The following PALLD variants were observed in gnomAD, a reference collection of about 807,000 sequenced individuals.
The protein encoded by PALLD is palladin, cytoskeletal associated protein, also known as palladin.
PALLD carries 61 observed loss-of-function variants against 123.5 expected under a neutral mutation model. The observed-to-expected ratio is 0.49, with a 90% CI of 0.40 to 0.61. The LOEUF (loss-of-function observed/expected upper bound fraction) is 0.61, where lower values mean the gene tolerates loss of function less well. PALLD is among the 20% of genes least tolerant of loss of function. The pLI is 0.00. For missense variants in PALLD, 1,273 were observed against 1,377.0 expected (o/e 0.92, Z 1.20); for synonymous variants, 465 against 496.4 (o/e 0.94, Z 0.84).
intron 2 of PALLD, among the ~76,000 whole-genome samples, chr4:168,629,041 A>T (rs1289532076): frequency 1.4e-5 from 2 of 141,374 alleles, no homozygotes; most frequent in Non-Finnish European, 3.1e-5. Context: ...TTTGAGATGG[A>T]GTTTCACTCT....
At chr4:168,745,571 T>C (rs765342524) in intron 10 of PALLD, among the ~76,000 whole-genome samples, 5 of 152,204 alleles carry the variant, frequency 3.3e-5, no homozygotes, top group Non-Finnish European at 7.3e-5. Context: ...AAATTTATTT[T>C]GGATTTTGTT....
chr4:168,730,655 G>GC (rs1787076814), intron 10 of PALLD, among the ~76,000 whole-genome samples: 1 of 152,076 alleles, frequency 6.6e-6, no homozygotes, highest in South Asian at 2.1e-4. Context: ...ACCCCCAAGT[G>GC]CCAATATCTT....
intron 10 of PALLD, among the ~76,000 whole-genome samples, chr4:168,723,615 A>G (rs987196193): frequency 6.6e-6 from 1 of 152,234 alleles, no homozygotes; most frequent in African/African-American, 2.4e-5. Context: ...TCTGGATGCT[A>G]GAGCAGATAC....
At chr4:168,681,549 T>TC in intron 4 of PALLD, 151 bp downstream of exon 4, 1 of 565,624 alleles carries the variant, frequency 1.8e-6, no homozygotes, top group Non-Finnish European at 3.2e-6. Context: ...AATTTTTTTT[T>TC]TTTTTTTTTT....
At chr4:168,720,971 C>T (rs1180856069) in intron 10 of PALLD, among the ~76,000 whole-genome samples, 1 of 152,068 alleles carries the variant, frequency 6.6e-6, no homozygotes, top group Non-Finnish European at 1.5e-5. Context: ...CTTTGCTGTG[C>T]CAGTCTCTTG....
chr4:168,673,898 GTGTGTGTGTGTGTGTGTGTC>G (rs1293106108), intron 3 of PALLD, among the ~76,000 whole-genome samples: 2 of 151,742 alleles, frequency 1.3e-5, no homozygotes, highest in Non-Finnish European at 2.9e-5. Context: ...CTGTGTGTGT[GTGTGTGTGTGTGTGTGTGTC>G]TGTGTGTGTA....
intron 1 of PALLD, among the ~76,000 whole-genome samples, chr4:168,509,545 C>A (rs1220011062): frequency 1.3e-5 from 2 of 152,090 alleles, no homozygotes; most frequent in African/African-American, 4.8e-5. Context: ...TAACTGGAGA[C>A]CAGTCAGGAT....
At chr4:168,568,297 T>C (rs1433950860) in intron 2 of PALLD, among the ~76,000 whole-genome samples, 2 of 152,226 alleles carry the variant, frequency 1.3e-5, no homozygotes, top group Admixed American at 6.5e-5. Flanking sequence ...CTGAAAAGCA[T>C]CCTACTTGTT....
At chr4:168,747,013 G>A (rs1048851434) in intron 10 of PALLD, among the ~76,000 whole-genome samples, 1 of 152,184 alleles carries the variant, frequency 6.6e-6, no homozygotes, top group Non-Finnish European at 1.5e-5. Context: ...AGCTAAAATA[G>A]TCCATCTGAT....
intron 10 of PALLD, among the ~76,000 whole-genome samples, chr4:168,735,025 T>C (rs1787592479): frequency 6.6e-6 from 1 of 152,214 alleles, no homozygotes; most frequent in Admixed American, 6.5e-5. Context: ...TACTTTTCTA[T>C]GTAATAACTG....
chr4:168,905,138 GTT>G lies in PALLD; in HGVS notation c.2622+1261_2622+1262del, dbSNP rs777740588. On this transcript the variant is annotated intron_variant, in intron 15 of 21. Transcript: ENST00000505667. ...TGAGACTTTGTTTTTTGTTTTGTTGGTTTTTTTTTTTTTTTTTTTTTTTTTTT... is the reference window on the plus strand; with the variant it reads ...TGAGACTTTGTTTTTTGTTTTGTTGGTTTTTTTTTTTTTTTTTTTTTTTTT... Among the ~76,000 whole-genome samples, 3 of 34,524 alleles carry G rather than the reference GTT, an allele frequency of 8.7e-5. 1 individual carries two copies. The highest frequency in any genetic ancestry group is 1.5e-4 in the African/African-American group (2 of 13,000). 22.6% of individuals were successfully genotyped at this position (34,524 alleles called of 152,430 possible).
intron 2 of PALLD, among the ~76,000 whole-genome samples, chr4:168,520,596 G>A (rs1196534625): frequency 6.6e-6 from 1 of 152,128 alleles, no homozygotes; most frequent in Non-Finnish European, 1.5e-5. Flanking sequence ...CATCATTAAT[G>A]AGAATATTGA....
chr4:168,862,057 CAT>C (rs1749566912), intron 10 of PALLD, among the ~76,000 whole-genome samples: 1 of 150,906 alleles, frequency 6.6e-6, no homozygotes, highest in African/African-American at 2.4e-5. Flanking sequence ...TGTATTTAAT[CAT>C]GTGTATTCTT....
At chr4:168,590,619 T>C (rs1162060278) in intron 2 of PALLD, among the ~76,000 whole-genome samples, 4 of 152,194 alleles carry the variant, frequency 2.6e-5, no homozygotes, top group African/African-American at 7.2e-5. Flanking sequence ...GAATTTTGTT[T>C]TTCCAGTTGG....
In PALLD at chr4:168,676,934, T is replaced by A. The variant is rs562567330; in HGVS notation, c.1088-4398T>A. 5.3e-5 allele frequency among the ~76,000 whole-genome samples: 8 copies of A among 152,178 alleles called. No individual in the cohort carries two copies. The South Asian group carries it at 1.7e-3, about 32-fold the overall frequency. ...TTTTAAAGTCAAGGCAGGAGACTCA[T>A]TTTTGTGACATTTCCACTGGCCAAA... is the stretch of plus-strand genomic sequence containing the variant. On this transcript the variant is annotated intron_variant, in intron 3 of 21. Transcript: ENST00000505667.
intron 2 of PALLD, among the ~76,000 whole-genome samples, chr4:168,636,598 A>C (rs1279921267): frequency 1.3e-5 from 2 of 152,232 alleles, no homozygotes; most frequent in African/African-American, 4.8e-5. Context: ...CCTCATTTGC[A>C]AAAATGAGAC....
chr4:168,579,015 A>G (rs17054359), intron 2 of PALLD, among the ~76,000 whole-genome samples: 15,283 of 152,158 alleles, frequency 0.1, 935 homozygotes, highest in South Asian at 0.18. Flanking sequence ...AAGTAGGGAA[A>G]GAGTTTTCAC....
At chr4:168,575,575 T>C (rs922561674) in intron 2 of PALLD, among the ~76,000 whole-genome samples, 3 of 151,970 alleles carry the variant, frequency 2.0e-5, no homozygotes, top group Non-Finnish European at 4.4e-5. Context: ...AGATTTTTTA[T>C]TGGTGAGGTC....
intron 3 of PALLD, among the ~76,000 whole-genome samples, chr4:168,673,989 A>C (rs762248078): frequency 2.6e-4 from 40 of 151,950 alleles, no homozygotes; most frequent in Non-Finnish European, 5.1e-4. Context: ...ATCTCGGCTC[A>C]CTGCAACCTC....
Sources: allele counts gnomAD v4.1 joint callset (sites outside exome capture counted in the v4.1 genomes callset), GRCh38; gene constraint gnomAD v4.1.1; transcripts MANE v1.5; gene names NCBI Gene and HGNC (gene_info 2026-07-23, HGNC 2026-07-21).